MNAT1: variants seen among roughly 807,000 people sequenced by gnomAD.
MNAT1 encodes the protein MNAT1 component of CDK activating kinase, also known as CDK-activating kinase assembly factor MAT1.
MNAT1 carries 43 observed loss-of-function variants against 42.0 expected under a neutral mutation model. That is an observed-to-expected ratio of 1.02 (90% CI 0.80 to 1.32). The LOEUF (loss-of-function observed/expected upper bound fraction) is 1.32, where lower values mean the gene tolerates loss of function less well. Ranked by LOEUF, MNAT1 falls within the 40% of genes most tolerant of loss-of-function variation. The pLI is 0.00. For synonymous variants in MNAT1, 118 were observed against 120.0 expected, an observed-to-expected ratio of 0.98 and a Z score of 0.11; for missense variants, 306 against 350.4, an observed-to-expected ratio of 0.87 and a Z score of 1.01.
intron 6 of MNAT1, among the ~76,000 whole-genome samples, chr14:60,825,189 A>G (rs1391430872): frequency 6.6e-6 from 1 of 152,230 alleles, no homozygotes; most frequent in Non-Finnish European, 1.5e-5. Flanking sequence ...TGGTGAAAGA[A>G]TATGTAGATT....
intron 7 of MNAT1, among the ~76,000 whole-genome samples, chr14:60,963,456 T>C (rs1484419999): frequency 6.6e-6 from 1 of 152,150 alleles, no homozygotes; most frequent in Non-Finnish European, 1.5e-5. Flanking sequence ...TTCAGAATGG[T>C]TTTGCTTTTT....
rs995178035 is a variant in MNAT1 at position 60,736,909 on chromosome 14, A to G, written c.89+1958A>G. On this transcript the variant is annotated intron_variant, in intron 1 of 7. Coordinates refer to ENST00000261245, the MANE Select transcript of MNAT1 (RefSeq NM_002431.4). The stretch of plus-strand genomic sequence containing the variant: ...TTATTCTTTGTGTGGCATGGGTGAT[A>G]AGCAGAAATAAAATTAAAACAGGAC... Among the ~76,000 whole-genome samples the G allele has an allele frequency of 3.9e-5, 6 of 152,290 alleles. No homozygotes were observed. In the East Asian group the frequency reaches 7.7e-4, roughly 20 times the overall value.
intron 7 of MNAT1, among the ~76,000 whole-genome samples, chr14:60,923,131 A>G (rs957474543): frequency 6.6e-6 from 1 of 152,130 alleles, no homozygotes; most frequent in African/African-American, 2.4e-5. Flanking sequence ...TATGGTTTTT[A>G]TTCCTGTCTC....
chr14:60,898,658 G>A (rs1181387793), intron 7 of MNAT1, among the ~76,000 whole-genome samples: 2 of 151,800 alleles, frequency 1.3e-5, no homozygotes, highest in African/African-American at 2.4e-5. Flanking sequence ...TAGATGTTAG[G>A]TCCTTGTAAG....
At position 60,840,658 on chromosome 14, in the gene MNAT1, C is replaced by T. The variant is rs144572258; in HGVS notation, c.687+21811C>T. ...ACATATGTTAAAGGATTTCAAAAAT[C>T]TTTTATTAAGATTTTTTTTTTGAGT... On this transcript the variant is annotated intron_variant, in intron 6 of 7. Transcript: ENST00000261245. 1.1e-4 allele frequency among the ~76,000 whole-genome samples: 16 copies of T among 152,168 alleles called. No homozygotes were observed. In the East Asian group the frequency reaches 3.1e-3, roughly 29 times the overall value.
intron 1 of MNAT1, among the ~76,000 whole-genome samples, chr14:60,742,358 G>C (rs568562252): frequency 6.6e-6 from 1 of 152,166 alleles, no homozygotes; most frequent in Admixed American, 6.5e-5. Flanking sequence ...AAAGTTCTGG[G>C]ATTACAGTCA....
rs578072723 is a variant in MNAT1, at chr14:60,798,215, T to C, written c.316+55T>C. On this transcript the variant is annotated intron_variant, in intron 3 of 7. Transcript: ENST00000261245. The stretch of plus-strand genomic sequence containing the variant: ...TATAAGACCATGTGCTTTTATCTTT[T>C]AAATGCTTAGGAGAACATCTCACAT... The C allele has an allele frequency of 5.4e-6, 5 of 930,482 alleles. No homozygotes were observed. The South Asian group carries it at 6.2e-5, about 11-fold the overall frequency. The allele number at this position is 930,482 out of a possible 1,614,324, so 57.6% of individuals were successfully genotyped here.
intron 1 of MNAT1, among the ~76,000 whole-genome samples, chr14:60,776,677 A>G (rs2031263748): frequency 6.6e-6 from 1 of 152,116 alleles, no homozygotes; most frequent in Non-Finnish European, 1.5e-5. Context: ...ATGAGTATGT[A>G]TTACGTATTG....
intron 7 of MNAT1, among the ~76,000 whole-genome samples, chr14:60,937,364 AAC>A (rs1237790965): frequency 6.6e-6 from 1 of 152,162 alleles, no homozygotes; most frequent in African/African-American, 2.4e-5. Flanking sequence ...TTTTAGGTCT[AAC>A]ATTTAAGTCT....
chr14:60,778,972 C>T (rs2031349400), intron 1 of MNAT1, among the ~76,000 whole-genome samples: 1 of 152,170 alleles, frequency 6.6e-6, no homozygotes, highest in Admixed American at 6.5e-5. Context: ...TAGCTTTAGA[C>T]CCTGTGGGCT....
chr14:60,837,409 A>G (rs2033422413), intron 6 of MNAT1, among the ~76,000 whole-genome samples: 1 of 152,168 alleles, frequency 6.6e-6, no homozygotes, highest in Non-Finnish European at 1.5e-5. Flanking sequence ...AAAGCATAGT[A>G]TCTTGGCTGG....
intron 7 of MNAT1, among the ~76,000 whole-genome samples, chr14:60,962,289 A>T (rs917898433): frequency 2.6e-5 from 4 of 152,218 alleles, no homozygotes; most frequent in Non-Finnish European, 4.4e-5. Flanking sequence ...GAATATACTT[A>T]AAATTTATCA....
At chr14:60,845,525 A>G (rs1218507217) in intron 6 of MNAT1, among the ~76,000 whole-genome samples, 1 of 152,048 alleles carries the variant, frequency 6.6e-6, no homozygotes, top group Non-Finnish European at 1.5e-5. Flanking sequence ...TTTTTCTTAA[A>G]CAGTTATTGA....
intron 7 of MNAT1, among the ~76,000 whole-genome samples, chr14:60,890,896 A>G (rs2034829315): frequency 6.6e-6 from 1 of 152,180 alleles, no homozygotes; most frequent in South Asian, 2.1e-4. Context: ...AGACACACCC[A>G]GGAACAATAC....
intron 1 of MNAT1, among the ~76,000 whole-genome samples, chr14:60,772,696 A>G (rs1202299647): frequency 6.6e-6 from 1 of 152,090 alleles, no homozygotes; most frequent in African/African-American, 2.4e-5. Flanking sequence ...TCACAGGATA[A>G]CCTCATTTCT....
chr14:60,921,149 ATAAACTGT>A (rs768405635), intron 7 of MNAT1, among the ~76,000 whole-genome samples: 21 of 152,206 alleles, frequency 1.4e-4, no homozygotes, highest in Non-Finnish European at 3.1e-4. Context: ...TAGATGTTAC[ATAAACTGT>A]TGGAGATTGT....
At chr14:60,796,120 A>C in intron 1 of MNAT1, 97 bp from the exon 2 acceptor site, 1 of 1,038,162 alleles carries the variant, frequency 9.6e-7, no homozygotes, top group Non-Finnish European at 1.3e-6. Context: ...ACTAGTTTTC[A>C]AGTCTCACTC....
chr14:60,888,554 C>T (rs1408860817), intron 7 of MNAT1, among the ~76,000 whole-genome samples: 1 of 151,672 alleles, frequency 6.6e-6, no homozygotes, highest in South Asian at 2.1e-4. Context: ...GGGATGCCCT[C>T]TCTCACCACT....
intron 1 of MNAT1, among the ~76,000 whole-genome samples, chr14:60,795,995 T>C (rs377251628): frequency 5.9e-5 from 9 of 152,296 alleles, no homozygotes; most frequent in African/African-American, 2.2e-4. Context: ...TATAAATTTG[T>C]TTGATCTGTA....
Sources: allele counts gnomAD v4.1 joint callset (sites outside exome capture counted in the v4.1 genomes callset), GRCh38; gene constraint gnomAD v4.1.1; transcripts MANE v1.5; gene names NCBI Gene and HGNC (gene_info 2026-07-23, HGNC 2026-07-21).